Variants in TRAK1 observed in about 807,000 individuals in gnomAD.
The protein encoded by TRAK1 is trafficking kinesin protein 1.
Under a neutral mutation model 92.1 loss-of-function variants are expected in TRAK1, and 33 were observed. The ratio of observed to expected loss-of-function variants is 0.36; its 90% confidence interval spans 0.27 to 0.48. TRAK1 has a LOEUF of 0.48. TRAK1 is among the 20% of genes least tolerant of loss of function. The probability of loss-of-function intolerance (pLI) is 0.99; values close to 1 mark genes in which losing one functional copy is unlikely to be tolerated. For synonymous variants in TRAK1, 521 were observed against 517.3 expected (o/e 1.01, Z -0.10); for missense variants, 1,123 against 1,257.9 (o/e 0.89, Z 1.62).
At chr3:42,193,249 C>T (rs755948365) in intron 8 of TRAK1, 44 bp downstream of exon 8, 2 of 1,605,008 alleles carry the variant, frequency 1.2e-6, no homozygotes, top group South Asian at 1.1e-5. Context: ...AATGGCCATG[C>T]TGAGACGGGG....
chr3:42,035,229 GC>G (rs1702284208), intron 1 of TRAK1, among the ~76,000 whole-genome samples: 1 of 152,100 alleles, frequency 6.6e-6, no homozygotes, highest in Non-Finnish European at 1.5e-5. Context: ...CTTCTGGGAA[GC>G]TACACCCTCT....
At chr3:42,057,239 G>A (rs1241905647) in intron 1 of TRAK1, among the ~76,000 whole-genome samples, 2 of 152,180 alleles carry the variant, frequency 1.3e-5, no homozygotes, top group African/African-American at 4.8e-5. Flanking sequence ...TGTAAATATG[G>A]ATGGACCATG....
At chr3:42,178,131 C>T (rs1388217956) in intron 3 of TRAK1, among the ~76,000 whole-genome samples, 3 of 152,124 alleles carry the variant, frequency 2.0e-5, no homozygotes, top group Non-Finnish European at 4.4e-5. Context: ...CGCTCATCAC[C>T]CCGTTCGGGT....
At chr3:42,219,794 T>TG (rs1477918329) in intron 15 of TRAK1, among the ~76,000 whole-genome samples, 198 bp downstream of exon 15, 1 of 135,824 alleles carries the variant, frequency 7.4e-6, no homozygotes, top group Non-Finnish European at 1.6e-5. Context: ...GTGTTTTTTT[T>TG]TTTTTTTTTT....
chr3:42,177,958 T>G (rs1034508370), intron 3 of TRAK1, among the ~76,000 whole-genome samples: 2 of 152,158 alleles, frequency 1.3e-5, no homozygotes, highest in African/African-American at 4.8e-5. Context: ...ACCTTCAGCC[T>G]TTGGGTGTCA....
At chr3:42,091,679 A>G (rs1323632737) in intron 1 of TRAK1, 119 bp downstream of exon 1, 3 of 948,846 alleles carry the variant, frequency 3.2e-6, no homozygotes, top group Middle Eastern at 2.2e-4. Context: ...GAGGTTGTTC[A>G]TGGTCATGTG....
intron 3 of TRAK1, among the ~76,000 whole-genome samples, chr3:42,177,849 T>A (rs1703420485): frequency 6.6e-6 from 1 of 152,202 alleles, no homozygotes; most frequent in South Asian, 2.1e-4. Flanking sequence ...TGTTTGATCC[T>A]CTGACGTGGG....
At chr3:42,095,342 C>A (rs761178989) in intron 1 of TRAK1, among the ~76,000 whole-genome samples, 6 of 152,124 alleles carry the variant, frequency 3.9e-5, no homozygotes, top group Non-Finnish European at 1.5e-5. Flanking sequence ...GGTTTAGACC[C>A]GGCAGCATTG....
intron 2 of TRAK1, among the ~76,000 whole-genome samples, chr3:42,155,949 T>C (rs1188103529): frequency 1.3e-5 from 2 of 151,994 alleles, no homozygotes; most frequent in African/African-American, 4.8e-5. Context: ...CTGCAAGAGG[T>C]GATTGACCCT....
intron 1 of TRAK1, among the ~76,000 whole-genome samples, chr3:42,101,929 G>A (rs950407972): frequency 3.3e-5 from 5 of 152,102 alleles, no homozygotes; most frequent in African/African-American, 1.2e-4. Flanking sequence ...GTCGTTTCAG[G>A]TCATTGAAAA....
At chr3:42,033,448 G>A (rs57707634) in intron 1 of TRAK1, among the ~76,000 whole-genome samples, 17,597 of 152,088 alleles carry the variant, frequency 0.12, 3,168 homozygotes, top group African/African-American at 0.38. Context: ...CATTAGCCAG[G>A]CGTGGTGGCA....
intron 14 of TRAK1, chr3:42,217,097 CTTTTTTT>C (rs550975120): frequency 1.1e-4 from 16 of 146,522 alleles, no homozygotes; most frequent in Non-Finnish European, 2.1e-4. Flanking sequence ...CTCTCTCTCT[CTTTTTTT>C]TTTTTTTTTT....
At chr3:42,080,883 CT>C (rs554340275) in intron 1 of TRAK1, among the ~76,000 whole-genome samples, 7 of 151,358 alleles carry the variant, frequency 4.6e-5, no homozygotes, top group South Asian at 2.1e-4. Flanking sequence ...TTAAACTACT[CT>C]TTTTTTTTGA....
chr3:42,189,032 T>A lies in TRAK1; in HGVS notation c.598T>A (p.Ser200Thr). The change falls in exon 6 of 16, where the codon TCG (serine) becomes ACG (threonine). Residue 200 changes from serine (S) to threonine (T), a missense_variant. Transcript: ENST00000327628. ...CTCCCCCAGGTTGAAGAGGAATGAG[T>A]CGTCCTCCTCAGTCCAGAATTACTT... ...VCSTPLKRNE[S>T]SSSVQNYFHL... 2 of 1,613,204 alleles carry A rather than the reference T, an allele frequency of 1.2e-6. No individual in the cohort carries two copies. Among genetic ancestry groups the A allele is most frequent in the Non-Finnish European group, 1.7e-6 (2 of 1,179,222 alleles).
At chr3:42,195,916 T>C (rs73831711) in intron 10 of TRAK1, among the ~76,000 whole-genome samples, 8,403 of 152,232 alleles carry the variant, frequency 0.055, 230 homozygotes, top group Middle Eastern at 0.075. Context: ...GCAGGCTCCT[T>C]ACCTGGGTTC....
At chr3:42,128,688 C>T (rs1166463711) in intron 2 of TRAK1, among the ~76,000 whole-genome samples, 1 of 152,212 alleles carries the variant, frequency 6.6e-6, no homozygotes, top group Non-Finnish European at 1.5e-5. Context: ...ATTAGCAGGA[C>T]CTGTGATATT....
chr3:42,029,117 T>G (rs1165906812), intron 1 of TRAK1, among the ~76,000 whole-genome samples: 3 of 152,002 alleles, frequency 2.0e-5, no homozygotes, highest in African/African-American at 7.3e-5. Context: ...GCTACACACT[T>G]TTAAACAGTA....
intron 7 of TRAK1, 70 bp downstream of exon 7, chr3:42,191,706 C>T: frequency 2.0e-6 from 3 of 1,517,518 alleles, no homozygotes; most frequent in Non-Finnish European, 2.7e-6. Flanking sequence ...TTTGCGTCAG[C>T]CTTGCTAAAG....
chr3:42,041,598 T>C (rs199700638), intron 1 of TRAK1, among the ~76,000 whole-genome samples: 4 of 84,580 alleles, frequency 4.7e-5, no homozygotes, highest in Admixed American at 2.0e-4. Flanking sequence ...ATGAGGGCCC[T>C]TTTTTTTTTT....
Sources: gnomAD v4.1 joint callset for allele counts (sites outside exome capture counted in the v4.1 genomes callset) on GRCh38, gnomAD v4.1.1 for gene constraint, MANE v1.5 for transcripts, NCBI Gene and HGNC (gene_info 2026-07-23, HGNC 2026-07-21) for gene names.